MAP4: variants seen among roughly 807,000 people sequenced by gnomAD.
MAP4 encodes microtubule-associated protein 4.
MAP4 carries 76 observed loss-of-function variants against 170.2 expected under a neutral mutation model. The ratio of observed to expected loss-of-function variants is 0.45; its 90% confidence interval spans 0.37 to 0.54. MAP4 has a LOEUF of 0.54. Among genes scored for constraint, MAP4 ranks in the 20% least tolerant of loss-of-function variants. The pLI is 0.00. For synonymous variants in MAP4, 909 were observed against 994.5 expected, an observed-to-expected ratio of 0.91 and a Z score of 1.62; for missense variants, 2,506 against 2,748.0, an observed-to-expected ratio of 0.91 and a Z score of 1.97.
rs1301576304 is a variant in MAP4 at position 47,909,134 on chromosome 3, CT to C, written c.5286del (p.Gly1763AlafsTer3). 1 of 1,613,944 alleles carries C rather than the reference CT, an allele frequency of 6.2e-7. No individual in the cohort carries two copies. The highest frequency in any genetic ancestry group is 1.3e-5 in the African/African-American group (1 of 75,024). On this transcript the variant is annotated frameshift_variant, in exon 9 of 21. Transcript: ENST00000683076. LOFTEE classifies it high-confidence loss of function. ...EDKSRMAEPM[K>X]GYMRPTKSRG... Reference sequence around the variant, plus strand: ...CGGGACTTGGTGGGTCTCATGTAGCCTTTCATTGGTTCTGCCATTCTGCTTT... The same window carrying C: ...CGGGACTTGGTGGGTCTCATGTAGCCTTCATTGGTTCTGCCATTCTGCTTT...
At chr3:48,050,540 G>T (rs373442760) in intron 1 of MAP4, among the ~76,000 whole-genome samples, 1 of 151,372 alleles carries the variant, frequency 6.6e-6, no homozygotes, top group South Asian at 2.1e-4. Context: ...AGAAAGATTC[G>T]GTTTTCATTT....
chr3:47,962,116 G>A (rs1351965595), intron 3 of MAP4, among the ~76,000 whole-genome samples: 1 of 152,130 alleles, frequency 6.6e-6, no homozygotes. Context: ...CCCTTTTCCA[G>A]AAAGTTCTAA....
At chr3:47,959,547 G>A (rs1015147958) in intron 3 of MAP4, among the ~76,000 whole-genome samples, 9 of 151,842 alleles carry the variant, frequency 5.9e-5, no homozygotes, top group African/African-American at 1.9e-4. Flanking sequence ...ACAAGGTCAG[G>A]AGATCGAGAC....
chr3:47,880,198 A>C (rs1182287796), intron 10 of MAP4, among the ~76,000 whole-genome samples: 1 of 149,134 alleles, frequency 6.7e-6, no homozygotes, highest in African/African-American at 2.5e-5. Flanking sequence ...GCCTCCTGCC[A>C]TTCTCCTGCC....
At chr3:47,920,013 C>T (rs559610829) in intron 5 of MAP4, among the ~76,000 whole-genome samples, 61 of 151,990 alleles carry the variant, frequency 4.0e-4, no homozygotes, top group African/African-American at 1.4e-3. Context: ...GCTCGTTGCC[C>T]AGGCTGGAGT....
At chr3:47,867,185 C>T in intron 17 of MAP4, 61 bp downstream of exon 17, 2 of 1,202,202 alleles carry the variant, frequency 1.7e-6, no homozygotes, top group Non-Finnish European at 2.5e-6. Flanking sequence ...CTGGCTCTCT[C>T]CCTAGTATAC....
Position 47,916,891 on chromosome 3 carries a change from T to C in MAP4, c.936A>G (p.Lys312=), listed in dbSNP as rs1204157157. The C allele has an allele frequency of 1.2e-6, 2 of 1,614,122 alleles. No homozygotes were observed. Among genetic ancestry groups the C allele is most frequent in the East Asian group, 2.2e-5 (1 of 44,894 alleles). Residue 312 remains lysine (K), a synonymous_variant, in exon 7 of 21, where the codon AAA becomes AAG. Transcript: ENST00000683076. ...LVKDMELPTE[K]EVALVKDVRW... ...TGACATCCTTAACCAGGGCCACTTC[T>C]TTTTCTGTGGGTAGTTCCATGTCCT...
intron 3 of MAP4, among the ~76,000 whole-genome samples, chr3:47,936,708 C>T (rs1169789816): frequency 2.6e-5 from 4 of 151,790 alleles, no homozygotes; most frequent in South Asian, 2.1e-4. Context: ...AGCCCAGGCA[C>T]GGTGGCTGGC....
intron 10 of MAP4, among the ~76,000 whole-genome samples, chr3:47,902,673 CAAAAAAAAAAAA>C (rs3051642): frequency 2.3e-4 from 6 of 25,776 alleles, no homozygotes; most frequent in East Asian, 2.7e-3. Context: ...GACTCTGTCT[CAAAAAAAAAAAA>C]AAAAAAAAAA....
intron 1 of MAP4, among the ~76,000 whole-genome samples, chr3:48,055,022 G>T (rs1411643764): frequency 2.6e-5 from 4 of 152,124 alleles, no homozygotes; most frequent in Non-Finnish European, 5.9e-5. Flanking sequence ...CTGTAATTAA[G>T]CACTCAATAC....
chr3:47,946,536 C>T (rs1483242929), intron 3 of MAP4, among the ~76,000 whole-genome samples: 1 of 148,884 alleles, frequency 6.7e-6, no homozygotes, highest in East Asian at 2.0e-4. Flanking sequence ...AACCTATAAT[C>T]CCAGCTACTC....
chr3:47,955,489 C>T (rs1473219525), intron 3 of MAP4, among the ~76,000 whole-genome samples: 2 of 147,174 alleles, frequency 1.4e-5, no homozygotes, highest in African/African-American at 5.1e-5. Context: ...CACTAGTCAA[C>T]TATACTGACA....
chr3:48,002,637 T>C (rs1037257990), intron 1 of MAP4, among the ~76,000 whole-genome samples: 2 of 151,774 alleles, frequency 1.3e-5, no homozygotes, highest in Non-Finnish European at 2.9e-5. Flanking sequence ...CCCCAACAAT[T>C]TGAGAGCCTG....
At chr3:47,924,178 A>G (rs1241385911) in intron 4 of MAP4, among the ~76,000 whole-genome samples, 1 of 152,216 alleles carries the variant, frequency 6.6e-6, no homozygotes, top group African/African-American at 2.4e-5. Context: ...GAACATTTAT[A>G]TATGTTCCCA....
chr3:47,902,629 G>T (rs1001857942), intron 10 of MAP4, among the ~76,000 whole-genome samples: 2 of 134,464 alleles, frequency 1.5e-5, no homozygotes, highest in Non-Finnish European at 3.1e-5. Flanking sequence ...AGCCGAGATT[G>T]TGCCACTGCA....
intron 3 of MAP4, among the ~76,000 whole-genome samples, chr3:47,967,059 G>A (rs530449998): frequency 2.0e-5 from 3 of 152,222 alleles, no homozygotes; most frequent in African/African-American, 2.4e-5. Flanking sequence ...ATTTAGGGCC[G>A]GGTGCAGTGG....
At chr3:48,047,297 A>T (rs946156627) in intron 1 of MAP4, among the ~76,000 whole-genome samples, 1 of 151,972 alleles carries the variant, frequency 6.6e-6, no homozygotes, top group East Asian at 1.9e-4. Flanking sequence ...TAGATTCTGC[A>T]CTAGACTCAA....
chr3:47,911,096 C>T lies in MAP4; in HGVS notation c.3325G>A (p.Gly1109Arg). 2.0e-6 allele frequency: 3 copies of T among 1,536,154 alleles called. No homozygotes were observed. Among genetic ancestry groups the T allele is most frequent in the Non-Finnish European group, 2.6e-6 (3 of 1,146,918 alleles). Reference sequence around the variant, plus strand: ...TCACTCTTATCCTGAGTAGTCATTCCTTCAGTTTTAGAGACTGGCTCACTC... The same window carrying T: ...TCACTCTTATCCTGAGTAGTCATTCTTTCAGTTTTAGAGACTGGCTCACTC... The part of the protein sequence containing the change: ...IPSEPVSKTE[G>R]MTTQDKSEEL... The change falls in exon 9 of 21, where the codon GGA becomes AGA. Residue 1109 changes from glycine (G) to arginine (R), a missense_variant. By Grantham distance (125) the Gly-to-Arg change is moderately radical. Coordinates refer to ENST00000683076, the MANE Select transcript of MAP4 (RefSeq NM_001385682.1). The surrounding 1 kb of genome is among the most constrained non-coding windows in gnomAD (Gnocchi z 4.0).
At position 47,852,442 on chromosome 3, in the gene MAP4, T is replaced by A. The variant is rs539791607; in HGVS notation, c.*492A>T. On this transcript the variant is annotated 3_prime_UTR_variant, in exon 21 of 21. Transcript: ENST00000683076. ...AGTGGCTTAAGCTCCACGGTCAGCG[T>A]CCTGTCACCACTCGGAATCCACCTC... 11 of 259,266 alleles carry A rather than the reference T, an allele frequency of 4.2e-5. No homozygotes were observed. The East Asian group carries it at 7.9e-4, about 19-fold the overall frequency. The allele number at this position is 259,266 out of a possible 1,614,324, so 16.1% of individuals were successfully genotyped here.
Sources: gnomAD v4.1 joint callset for allele counts (sites outside exome capture counted in the v4.1 genomes callset) on GRCh38, gnomAD v4.1.1 for gene constraint, Gnocchi (gnomAD v3.1) non-coding constraint, MANE v1.5 for transcripts, NCBI Gene and HGNC (gene_info 2026-07-23, HGNC 2026-07-21) for gene names.